The following HDGFL3 variants were observed in gnomAD, a reference collection of about 807,000 sequenced individuals.
HDGFL3 encodes HDGF like 3.
Under a neutral mutation model 27.6 loss-of-function variants are expected in HDGFL3, and 6 were observed. The observed-to-expected ratio is 0.22, with a 90% CI of 0.12 to 0.43. The LOEUF is 0.43. Among genes scored for constraint, HDGFL3 ranks in the 20% least tolerant of loss-of-function variants. The probability of loss-of-function intolerance (pLI) is 1.00; values close to 1 mark genes in which losing one functional copy is unlikely to be tolerated. For synonymous variants in HDGFL3, 88 were observed against 88.9 expected, an observed-to-expected ratio of 0.99 and a Z score of 0.05; for missense variants, 207 against 250.1, an observed-to-expected ratio of 0.83 and a Z score of 1.16.
chr15:83,192,843 A>AT (rs1288728257), intron 1 of HDGFL3, among the ~76,000 whole-genome samples: 1 of 152,206 alleles, frequency 6.6e-6, no homozygotes, highest in Non-Finnish European at 1.5e-5. Context: ...AAACACAGGC[A>AT]TTTTCTGAAC....
chr15:83,171,284 ACT>A (rs368693777), intron 1 of HDGFL3, among the ~76,000 whole-genome samples: 53 of 151,832 alleles, frequency 3.5e-4, no homozygotes, highest in East Asian at 3.9e-4. Context: ...ATGTTCACAC[ACT>A]GTTAGTGGGA....
intron 1 of HDGFL3, among the ~76,000 whole-genome samples, chr15:83,166,141 GCATATAGTCACTAGACTGTC>G (rs1178931940): frequency 1.3e-5 from 2 of 152,006 alleles, no homozygotes; most frequent in Non-Finnish European, 2.9e-5. Flanking sequence ...CATCACCAAG[GCATATAGTCACTAGACTGTC>G]CAACATCAAC....
intron 1 of HDGFL3, among the ~76,000 whole-genome samples, chr15:83,168,285 A>G (rs1215226063): frequency 6.8e-6 from 1 of 146,914 alleles, no homozygotes; most frequent in African/African-American, 2.6e-5. Flanking sequence ...CAAAGCTGAA[A>G]GAAGAAAAGA....
intron 1 of HDGFL3, among the ~76,000 whole-genome samples, chr15:83,194,577 A>C (rs2037548112): frequency 6.6e-6 from 1 of 152,178 alleles, no homozygotes; most frequent in Non-Finnish European, 1.5e-5. Flanking sequence ...TTACAATTAA[A>C]ATTTTTTTTT....
At chr15:83,175,184 T>C (rs1336329890) in intron 1 of HDGFL3, among the ~76,000 whole-genome samples, 1 of 152,188 alleles carries the variant, frequency 6.6e-6, no homozygotes, top group Non-Finnish European at 1.5e-5. Context: ...TCTTTCCTTA[T>C]TTATATGGCT....
chr15:83,126,529 CAAG>C (rs1037086241), downstream of HDGFL3, among the ~76,000 whole-genome samples: 22 of 152,248 alleles, frequency 1.4e-4, no homozygotes, highest in Admixed American at 4.6e-4. Context: ...GAAAAATACC[CAAG>C]AATAGGGCAT....
At chr15:83,124,713 A>AT, downstream of HDGFL3, 1 of 1,614,118 alleles carries the variant, frequency 6.2e-7, no homozygotes, top group Non-Finnish European at 8.5e-7. Context: ...TGAGAAGACC[A>AT]TTTGATTTAA....
intron 1 of HDGFL3, among the ~76,000 whole-genome samples, chr15:83,178,810 G>A (rs536985135): frequency 1.3e-5 from 2 of 151,996 alleles, no homozygotes; most frequent in African/African-American, 2.4e-5. Context: ...ATGCTCCTAC[G>A]TTAAATCAGT....
chr15:83,174,894 C>G lies in HDGFL3; in HGVS notation c.85-10819G>C, dbSNP rs2037290389. On this transcript the variant is annotated intron_variant, in intron 1 of 5. Transcript: ENST00000299633. ...AGGTTGCAAATTGGTGGCCCTCAAGCCATTTACAGCCTGAAGATATGTTCT... is the reference window on the plus strand; with the variant it reads ...AGGTTGCAAATTGGTGGCCCTCAAGGCATTTACAGCCTGAAGATATGTTCT... Among the ~76,000 whole-genome samples the G allele has an allele frequency of 4.6e-5, 7 of 152,140 alleles. No individual in the cohort carries two copies. The South Asian group carries it at 1.2e-3, about 27-fold the overall frequency.
At chr15:83,126,275 G>A (rs2035745662), downstream of HDGFL3, among the ~76,000 whole-genome samples, 1 of 152,168 alleles carries the variant, frequency 6.6e-6, no homozygotes, top group African/African-American at 2.4e-5. Flanking sequence ...TTTCCAGCAA[G>A]AGGACCCTGC....
chr15:83,131,886 T>G lies in HDGFL3; in HGVS notation c.*7384A>C, dbSNP rs1355052786. On this transcript the variant is annotated 3_prime_UTR_variant, in exon 6 of 6. Transcript: ENST00000299633. Reference sequence around the variant, plus strand: ...GTGTAATCTGAAAGGCATTATAGGCTGCTTAGATCCACTTATTAGCATTTC... The same window carrying G: ...GTGTAATCTGAAAGGCATTATAGGCGGCTTAGATCCACTTATTAGCATTTC... 2 of 152,250 alleles carry G rather than the reference T, an allele frequency of 1.3e-5. No individual in the cohort carries two copies. The highest frequency in any genetic ancestry group is 2.9e-5 in the Non-Finnish European group (2 of 68,052). 9.4% of individuals were successfully genotyped at this position (152,250 alleles called of 1,614,324 possible).
chr15:83,163,539 A>G (rs2037127044), intron 2 of HDGFL3, among the ~76,000 whole-genome samples: 1 of 152,244 alleles, frequency 6.6e-6, no homozygotes, highest in Non-Finnish European at 1.5e-5. Flanking sequence ...CAGTGTAGTC[A>G]GTACACCAAC....
At chr15:83,182,014 T>C (rs186819718) in intron 1 of HDGFL3, among the ~76,000 whole-genome samples, 85 of 152,382 alleles carry the variant, frequency 5.6e-4, no homozygotes, top group African/African-American at 2.0e-3. Flanking sequence ...GGTAATGTGA[T>C]AAATGCATAT....
intron 5 of HDGFL3, 59 bp downstream of exon 5, chr15:83,151,156 G>T: frequency 1.3e-6 from 2 of 1,517,748 alleles, no homozygotes; most frequent in Non-Finnish European, 1.8e-6. Flanking sequence ...TATGGATGCT[G>T]AATCTGAAGC....
At chr15:83,124,511 G>A (rs1002311029), downstream of HDGFL3, among the ~76,000 whole-genome samples, 6 of 152,122 alleles carry the variant, frequency 3.9e-5, no homozygotes, top group African/African-American at 7.2e-5. Context: ...TGAGACTTGA[G>A]GAAGGAAATG....
chr15:83,122,902 A>T (rs1357546281), downstream of HDGFL3: 6 of 1,612,512 alleles, frequency 3.7e-6, no homozygotes, highest in South Asian at 6.6e-5. Flanking sequence ...GCTTTGATGT[A>T]CCCTGTTCTC....
intron 1 of HDGFL3, among the ~76,000 whole-genome samples, chr15:83,205,093 T>C (rs986716704): frequency 6.6e-6 from 1 of 152,256 alleles, no homozygotes; most frequent in Non-Finnish European, 1.5e-5. Flanking sequence ...TATCAAGTGA[T>C]AATATTTGAA....
intron 2 of HDGFL3, chr15:83,163,736 A>C (rs1217265521): frequency 1.7e-5 from 7 of 402,446 alleles, no homozygotes; most frequent in Non-Finnish European, 3.1e-5. Flanking sequence ...AGGACTTAAA[A>C]GTGTCCTAGA....
intron 3 of HDGFL3, among the ~76,000 whole-genome samples, chr15:83,120,328 G>C (rs1023458912): frequency 3.9e-5 from 6 of 152,214 alleles, no homozygotes; most frequent in African/African-American, 1.4e-4. Flanking sequence ...TGAAGTGAAC[G>C]ACGTGCTCTT....
Sources: allele counts gnomAD v4.1 joint callset (sites outside exome capture counted in the v4.1 genomes callset), GRCh38; gene constraint gnomAD v4.1.1; transcripts MANE v1.5; gene names NCBI Gene and HGNC (gene_info 2026-07-23, HGNC 2026-07-21).